TYW1: variants seen among roughly 807,000 people sequenced by gnomAD.
TYW1 encodes the protein tRNA-yW synthesizing protein 1 homolog, also known as S-adenosyl-L-methionine-dependent tRNA 4-demethylwyosine synthase TYW1.
A neutral mutation model predicts 96.2 loss-of-function variants in TYW1; 46 were observed. The ratio of observed to expected loss-of-function variants is 0.48; its 90% CI spans 0.38 to 0.61. TYW1 has a LOEUF of 0.61. Ranked by LOEUF, TYW1 falls within the 20% of genes least tolerant of loss-of-function variation. The pLI, the probability that TYW1 is intolerant of heterozygous loss-of-function variation, is 0.00. For missense variants in TYW1, 684 were observed against 909.6 expected, an observed-to-expected ratio of 0.75 and a Z score of 3.19; for synonymous variants, 274 against 323.0, an observed-to-expected ratio of 0.85 and a Z score of 1.63.
intron 9 of TYW1, among the ~76,000 whole-genome samples, chr7:67,066,031 A>ACACC (rs1324294325): frequency 2.4e-5 from 2 of 81,758 alleles, no homozygotes; most frequent in Admixed American, 1.4e-4. Flanking sequence ...ACACACACAC[A>ACACC]CCCACACCCC....
intron 7 of TYW1, among the ~76,000 whole-genome samples, chr7:67,037,349 A>G (rs1237232693): frequency 6.6e-6 from 1 of 152,052 alleles, no homozygotes; most frequent in Non-Finnish European, 1.5e-5. Flanking sequence ...TAAATAAAAA[A>G]AAGAATTAGC....
intron 7 of TYW1, among the ~76,000 whole-genome samples, chr7:67,044,317 A>G (rs1035506946): frequency 6.6e-6 from 1 of 151,904 alleles, no homozygotes; most frequent in Non-Finnish European, 1.5e-5. Context: ...AGGCTGTTCT[A>G]GAACTCCTGA....
chr7:67,214,829 A>G (rs955338704), intron 15 of TYW1, among the ~76,000 whole-genome samples: 1 of 150,154 alleles, frequency 6.7e-6, no homozygotes, highest in East Asian at 1.9e-4. Flanking sequence ...ATGTTGAACC[A>G]GTCTTCCCTA....
rs1310977935 is a variant in TYW1, at chr7:67,055,775, C to T, written c.1103-60C>T. The T allele has an allele frequency of 8.5e-6, 12 of 1,408,646 alleles. No homozygotes were observed. In the East Asian group the frequency reaches 9.5e-5, roughly 11 times the overall value. 87.3% of individuals were successfully genotyped at this position (1,408,646 alleles called of 1,614,324 possible). On this transcript the variant is annotated intron_variant, in intron 8 of 15. Transcript: ENST00000359626. The stretch of plus-strand genomic sequence containing the variant: ...AAAAATTTTTGCTAAATTTTAAAGT[C>T]ACTTTTTGATATGACGCTTTGGATC...
At chr7:67,002,845 TTTTCTTTTTTC>T (rs1399562318) in intron 3 of TYW1, among the ~76,000 whole-genome samples, 3 of 124,850 alleles carry the variant, frequency 2.4e-5, no homozygotes, top group Admixed American at 1.6e-4. Flanking sequence ...TTCTTTTTCT[TTTTCTTTTTTC>T]TTTTTTTTTT....
intron 15 of TYW1, among the ~76,000 whole-genome samples, chr7:67,210,811 C>T (rs1264454983): frequency 7.2e-6 from 1 of 138,914 alleles, no homozygotes; most frequent in East Asian, 2.0e-4. Flanking sequence ...GTCTATCTGT[C>T]CAGCTAATCT....
intron 13 of TYW1, among the ~76,000 whole-genome samples, chr7:67,164,608 CAA>C (rs68160921): frequency 2.2e-4 from 25 of 113,790 alleles, no homozygotes; most frequent in Admixed American, 1.7e-4. Context: ...AAAACTGTCT[CAA>C]AAAAAAAAAA....
At chr7:67,088,118 G>T (rs1796605874) in intron 11 of TYW1, among the ~76,000 whole-genome samples, 1 of 152,132 alleles carries the variant, frequency 6.6e-6, no homozygotes, top group African/African-American at 2.4e-5. Context: ...TTCTGCCTGG[G>T]CCTCCCAAAG....
At chr7:66,999,107 A>G (rs549625926) in intron 3 of TYW1, among the ~76,000 whole-genome samples, 153 bp downstream of exon 3, 12 of 152,198 alleles carry the variant, frequency 7.9e-5, no homozygotes, top group Admixed American at 7.9e-4. Context: ...TTCCCCTCAA[A>G]TATTTTTCCA....
intron 9 of TYW1, 64 bp downstream of exon 9, chr7:67,055,951 C>T: frequency 8.3e-7 from 1 of 1,199,982 alleles, no homozygotes; most frequent in East Asian, 2.4e-5. Context: ...TATTATTATA[C>T]ACTGTCTATA....
chr7:67,149,724 ATCT>A (rs1798733429), intron 13 of TYW1, among the ~76,000 whole-genome samples: 1 of 95,650 alleles, frequency 1.0e-5, no homozygotes, highest in African/African-American at 4.2e-5. Context: ...GAAAAAAAAT[ATCT>A]ATCTATCTAT....
intron 14 of TYW1, among the ~76,000 whole-genome samples, chr7:67,192,773 G>A (rs1800261499): frequency 6.6e-6 from 1 of 152,138 alleles, no homozygotes; most frequent in South Asian, 2.1e-4. Context: ...GGAAAAGAAA[G>A]CTTTTTTATT....
Position 66,998,900 on chromosome 7 carries a change from C to T in TYW1, c.219C>T (p.Asp73=). ...GTTATGTCTCCCTTCAAGAGAAAGA[C>T]ATCTTTGTGTCTGGAGTGAAGATTT... ...TNGYVSLQEK[D]IFVSGVKIFY... The change falls in exon 3 of 16, where the codon GAC becomes GAT. Residue 73 remains aspartate, a synonymous_variant. Transcript: ENST00000359626. 1.2e-6 allele frequency: 2 copies of T among 1,614,110 alleles called. No homozygotes were observed. The highest frequency in any genetic ancestry group is 1.7e-6 in the Non-Finnish European group (2 of 1,179,988).
At chr7:67,108,642 A>G (rs1194522028) in intron 12 of TYW1, among the ~76,000 whole-genome samples, 2 of 151,742 alleles carry the variant, frequency 1.3e-5, no homozygotes, top group East Asian at 4.0e-4. Context: ...GGGTTTCACC[A>G]TGTTGGCCAG....
chr7:67,182,369 C>A (rs1218078715), intron 13 of TYW1, among the ~76,000 whole-genome samples: 4 of 152,070 alleles, frequency 2.6e-5, no homozygotes, highest in African/African-American at 9.7e-5. Context: ...TCGAGACCAG[C>A]CTGAATAACA....
chr7:67,028,393 CAA>C (rs1794530750), intron 7 of TYW1, among the ~76,000 whole-genome samples: 1 of 152,148 alleles, frequency 6.6e-6, no homozygotes, highest in Non-Finnish European at 1.5e-5. Context: ...TCTGAAAATG[CAA>C]AATTAGCTGG....
chr7:67,210,919 ACCATCCATCCAT>A lies in TYW1; in HGVS notation c.1977+15596_1977+15607del, dbSNP rs57804156. ...ATCCATCTGTCCATCCATCTATCCA[ACCATCCATCCAT>A]CCATCCATCCATCATCTGTCTGTCT... On this transcript the variant is annotated intron_variant, in intron 15 of 15. Transcript: ENST00000359626. 2.8e-4 allele frequency among the ~76,000 whole-genome samples: 37 copies of A among 130,292 alleles called. 1 individual carries two copies. In the East Asian group the frequency reaches 8.1e-3, roughly 28 times the overall value. The allele number at this position is 130,292 out of a possible 152,430, so 85.5% of individuals were successfully genotyped here.
rs574509788 is a variant in TYW1 at position 67,006,307 on chromosome 7, C to T, written c.274-3276C>T. Reference sequence around the variant, plus strand: ...GTGCCTGCCCCTCCTTTGCCTTCCACCAATATTGGAAGCTCCCTGAGGCCT... The same window carrying T: ...GTGCCTGCCCCTCCTTTGCCTTCCATCAATATTGGAAGCTCCCTGAGGCCT... On this transcript the variant is annotated intron_variant, in intron 3 of 15. Coordinates refer to ENST00000359626, the MANE Select transcript of TYW1 (RefSeq NM_018264.4). Among the ~76,000 whole-genome samples, 7 of 152,234 alleles carry T rather than the reference C, an allele frequency of 4.6e-5. No homozygotes were observed. In the South Asian group the frequency reaches 1.5e-3, roughly 32 times the overall value.
At chr7:67,230,250 C>A (rs1801705666) in intron 15 of TYW1, among the ~76,000 whole-genome samples, 1 of 151,644 alleles carries the variant, frequency 6.6e-6, no homozygotes, top group African/African-American at 2.4e-5. Context: ...CCAAACATAG[C>A]ACCTAGTACC....
Sources: allele counts gnomAD v4.1 joint callset (sites outside exome capture counted in the v4.1 genomes callset), GRCh38; gene constraint gnomAD v4.1.1; transcripts MANE v1.5; gene names NCBI Gene and HGNC (gene_info 2026-07-23, HGNC 2026-07-21).